The following ABLIM1 variants were observed in gnomAD, a reference collection of about 807,000 sequenced individuals.
The protein encoded by ABLIM1 is actin-binding LIM protein 1.
Under a neutral mutation model 107.0 loss-of-function variants are expected in ABLIM1, and 40 were observed. The observed-to-expected ratio is 0.37, with a 90% CI of 0.29 to 0.49. ABLIM1 has a LOEUF of 0.49. Among genes scored for constraint, ABLIM1 ranks in the 20% least tolerant of loss-of-function variants. The probability of loss-of-function intolerance (pLI) is 0.97; values close to 1 mark genes in which losing one functional copy is unlikely to be tolerated. For synonymous variants in ABLIM1, 357 were observed against 357.3 expected (o/e 1.00, Z 0.01); for missense variants, 857 against 1,008.5 (o/e 0.85, Z 2.04).
At chr10:114,599,004 TGGG>T (rs1566057035) in intron 2 of ABLIM1, among the ~76,000 whole-genome samples, 242 of 152,256 alleles carry the variant, frequency 1.6e-3, no homozygotes, top group African/African-American at 5.7e-3. Context: ...TCTAGAATCT[TGGG>T]AAAAGTCACA....
At chr10:114,505,644 T>C (rs1329174497) in intron 6 of ABLIM1, among the ~76,000 whole-genome samples, 3 of 152,230 alleles carry the variant, frequency 2.0e-5, no homozygotes, top group African/African-American at 7.2e-5. Context: ...CTTTTTAAGT[T>C]AAAAATGTTT....
At chr10:114,628,827 T>C (rs914417291) in intron 1 of ABLIM1, among the ~76,000 whole-genome samples, 3 of 152,232 alleles carry the variant, frequency 2.0e-5, no homozygotes, top group African/African-American at 7.2e-5. Context: ...AAATCCCTTT[T>C]GTATTCTTAA....
At chr10:114,494,743 T>C (rs902227956) in intron 6 of ABLIM1, among the ~76,000 whole-genome samples, 2 of 152,238 alleles carry the variant, frequency 1.3e-5, no homozygotes, top group East Asian at 1.9e-4. Flanking sequence ...CCACATAAGC[T>C]AGTGGCCAAA....
chr10:114,476,467 C>A (rs2056424207), intron 8 of ABLIM1, among the ~76,000 whole-genome samples: 3 of 151,948 alleles, frequency 2.0e-5, no homozygotes, highest in East Asian at 1.9e-4. Context: ...CATGGTGAAA[C>A]CCCATCTCTA....
intron 1 of ABLIM1, among the ~76,000 whole-genome samples, chr10:114,755,043 C>A (rs1176524105): frequency 1.3e-5 from 2 of 152,236 alleles, no homozygotes; most frequent in East Asian, 3.9e-4. Context: ...TGTTCTAGAA[C>A]AGGGGTCCCC....
rs773879308 is a variant in ABLIM1 at position 114,431,822 on chromosome 10, T to C, written c.*4438A>G. The C allele has an allele frequency of 1.3e-5, 2 of 152,218 alleles. No homozygotes were observed. The highest frequency in any genetic ancestry group is 2.4e-5 in the African/African-American group (1 of 41,454). The allele number at this position is 152,218 out of a possible 1,614,324, so 9.4% of individuals were successfully genotyped here. On this transcript the variant is annotated 3_prime_UTR_variant, in exon 23 of 23. Coordinates refer to ENST00000533213, the MANE Select transcript of ABLIM1 (RefSeq NM_002313.7). ...ATTTTGCTGTGTACCTATACATTGT[T>C]TAGAAAGTTTCTTTTGGCTTAAACT...
chr10:114,520,813 T>A (rs2063619344), intron 6 of ABLIM1, among the ~76,000 whole-genome samples: 1 of 151,120 alleles, frequency 6.6e-6, no homozygotes, highest in Non-Finnish European at 1.5e-5. Context: ...CTCTAAAAAA[T>A]AATAATAAAA....
At chr10:114,654,983 C>A (rs1190595837) in intron 1 of ABLIM1, among the ~76,000 whole-genome samples, 9 of 152,190 alleles carry the variant, frequency 5.9e-5, no homozygotes, top group Admixed American at 5.9e-4. Context: ...GCTGTTGACA[C>A]ACTGCTTTGG....
intron 14 of ABLIM1, among the ~76,000 whole-genome samples, chr10:114,448,858 C>T (rs1565275998): frequency 6.6e-6 from 1 of 152,158 alleles, no homozygotes; most frequent in Non-Finnish European, 1.5e-5. Context: ...GATTCGCCCA[C>T]CATGGCCTCC....
chr10:114,630,596 C>T (rs1354227561), intron 1 of ABLIM1, among the ~76,000 whole-genome samples: 1 of 152,150 alleles, frequency 6.6e-6, no homozygotes, highest in Admixed American at 6.5e-5. Flanking sequence ...TCCTGTATGT[C>T]AATCCATTCA....
intron 2 of ABLIM1, chr10:114,595,215 T>C (rs2075299755): frequency 1.3e-5 from 2 of 151,606 alleles, no homozygotes; most frequent in African/African-American, 4.8e-5. Context: ...TAATGAATTA[T>C]AGATCAAAAT....
chr10:114,718,785 T>TAA lies in ABLIM1; in HGVS notation c.-213+49275_-213+49276insTT, dbSNP rs1205871729. Among the ~76,000 whole-genome samples the TAA allele has an allele frequency of 9.2e-5, 14 of 152,304 alleles. No individual in the cohort carries two copies. In the East Asian group the frequency reaches 2.7e-3, roughly 29 times the overall value. Reference sequence around the variant, plus strand: ...TGGCTTCGTATCACTCAATATTAATTTAATATAAATTCCACAACAACAACA... The same window carrying TAA: ...TGGCTTCGTATCACTCAATATTAATTAATAATATAAATTCCACAACAACAACA... On this transcript the variant is annotated intron_variant, in intron 1 of 15. Coordinates refer to the ABLIM1 transcript ENST00000651092.
intron 2 of ABLIM1, among the ~76,000 whole-genome samples, chr10:114,581,017 G>A (rs2073307817): frequency 6.6e-6 from 1 of 151,656 alleles, no homozygotes; most frequent in Non-Finnish European, 1.5e-5. Context: ...GCCCTTTTTT[G>A]CCACCACCAA....
intron 1 of ABLIM1, among the ~76,000 whole-genome samples, chr10:114,669,169 T>C (rs1370123295): frequency 6.6e-6 from 1 of 152,236 alleles, no homozygotes; most frequent in African/African-American, 2.4e-5. Context: ...CTTATCTCAT[T>C]GCATTAACTA....
chr10:114,618,872 T>A (rs1474725528), intron 1 of ABLIM1, among the ~76,000 whole-genome samples: 2 of 152,206 alleles, frequency 1.3e-5, no homozygotes, highest in African/African-American at 4.8e-5. Flanking sequence ...TGCCTCACTG[T>A]GGTCGTGTGG....
intron 12 of ABLIM1, among the ~76,000 whole-genome samples, chr10:114,464,033 G>C (rs936034144): frequency 4.6e-5 from 7 of 152,224 alleles, no homozygotes; most frequent in African/African-American, 1.7e-4. Context: ...ATGAGCTTTT[G>C]GGGGAAGGAG....
intron 8 of ABLIM1, among the ~76,000 whole-genome samples, chr10:114,477,492 T>C (rs1267364917): frequency 6.6e-6 from 1 of 152,194 alleles, no homozygotes; most frequent in Non-Finnish European, 1.5e-5. Flanking sequence ...ATCCTTATTT[T>C]TGCCAAGTGT....
intron 1 of ABLIM1, among the ~76,000 whole-genome samples, chr10:114,620,814 C>A (rs1257010581): frequency 1.3e-5 from 2 of 152,184 alleles, no homozygotes; most frequent in Admixed American, 6.5e-5. Context: ...TTGAAAACTG[C>A]AAGGCCTGGC....
chr10:114,613,704 G>A (rs1235712577), intron 1 of ABLIM1: 3 of 1,321,844 alleles, frequency 2.3e-6, no homozygotes, highest in East Asian at 5.1e-5. Flanking sequence ...GAAAGCATGA[G>A]ACCTGTGTTC....
Sources: allele counts gnomAD v4.1 joint callset (sites outside exome capture counted in the v4.1 genomes callset), GRCh38; gene constraint gnomAD v4.1.1; transcripts MANE v1.5; gene names NCBI Gene and HGNC (gene_info 2026-07-23, HGNC 2026-07-21).